Variants in PKN3 observed in about 807,000 individuals in gnomAD.
PKN3 encodes serine/threonine-protein kinase N3.
Under a neutral mutation model 113.1 loss-of-function variants are expected in PKN3, and 91 were observed. The observed-to-expected ratio is 0.80, with a 90% CI of 0.68 to 0.96. The LOEUF (loss-of-function observed/expected upper bound fraction) is 0.96, where lower values mean the gene tolerates loss of function less well. PKN3 is among the 40% of genes least tolerant of loss of function. The probability of loss-of-function intolerance (pLI) is 0.00; values close to 1 mark genes in which losing one functional copy is unlikely to be tolerated. For missense variants in PKN3, 1,052 were observed against 1,202.2 expected (o/e 0.88, Z 1.85); for synonymous variants, 467 against 499.0 (o/e 0.94, Z 0.85).
chr9:128,711,354 C>T (rs973678979), intron 6 of PKN3, among the ~76,000 whole-genome samples: 3 of 141,884 alleles, frequency 2.1e-5, no homozygotes, highest in Non-Finnish European at 4.6e-5. Flanking sequence ...TCGCCCAGGC[C>T]GGATTGCAGT....
At chr9:128,719,555 C>G in intron 18 of PKN3, 131 bp from the exon 19 acceptor site, 1 of 921,690 alleles carries the variant, frequency 1.1e-6, no homozygotes, top group South Asian at 1.8e-5. Flanking sequence ...GCGTCATAAC[C>G]ATTCCCACTT....
chr9:128,716,718 C>A (rs1480668493), intron 15 of PKN3, 29 bp from the exon 16 acceptor site: 6 of 1,596,850 alleles, frequency 3.8e-6, no homozygotes, highest in Non-Finnish European at 5.1e-6. Flanking sequence ...AGTTTTCCTT[C>A]CCTCTAATAC....
rs1862397309 is a variant in PKN3 at position 128,718,030 on chromosome 9, G to A, written c.1986-295G>A. ...AGCCTGGGTGACAGAGTGAGACTCC[G>A]TCTCAAAAAAAAAAAAAATAGGCAT... On this transcript the variant is annotated intron_variant, in intron 16 of 21. Coordinates refer to ENST00000291906, the MANE Select transcript of PKN3 (RefSeq NM_013355.5). 2.7e-5 allele frequency among the ~76,000 whole-genome samples: 4 copies of A among 149,994 alleles called. No individual in the cohort carries two copies. In the South Asian group the frequency reaches 8.4e-4, roughly 32 times the overall value.
At chr9:128,706,480 G>T (rs959562778) in intron 3 of PKN3, among the ~76,000 whole-genome samples, 1 of 152,030 alleles carries the variant, frequency 6.6e-6, no homozygotes, top group Non-Finnish European at 1.5e-5. Context: ...GGAGAGGCAT[G>T]ACCCCAGCCG....
In PKN3 at chr9:128,705,892, A is replaced by G; in HGVS notation, c.411+13A>G. On this transcript the variant is annotated intron_variant, in intron 3 of 21. Transcript: ENST00000291906. ...TGGCACCCCCAAGGTAAGGCCCCAC[A>G]GTCTGATGGCAGGAGCACCCTGGCC... The G allele has an allele frequency of 6.4e-7, 1 of 1,574,664 alleles. No individual in the cohort carries two copies.
At position 128,720,083 on chromosome 9, in the gene PKN3, G is replaced by A; in HGVS notation, c.2376+66G>A. The A allele has an allele frequency of 6.5e-7, 1 of 1,539,602 alleles. No homozygotes were observed. The highest frequency in any genetic ancestry group is 1.7e-4 in the Middle Eastern group (1 of 5,918). On this transcript the variant is annotated intron_variant, in intron 20 of 21. Transcript: ENST00000291906. This position sits in a 1 kb window ranked among gnomAD's most constrained non-coding sequence, Gnocchi z 5.5. ...CAAGGCCCATGTGCCCTCTGCCGTGGGACAGCAGACCCCCTGCCACCCATC... is the reference window on the plus strand; with the variant it reads ...CAAGGCCCATGTGCCCTCTGCCGTGAGACAGCAGACCCCCTGCCACCCATC...
chr9:128,705,454 C>A lies in PKN3; in HGVS notation c.176C>A (p.Ser59Tyr). ...GGCCATGTGCAGCAGCTGCTGCGGT[C>A]CTCCAACCGCCGCCTGGAGCAGCTG... ...HLGHVQQLLR[S>Y]SNRRLEQLHG... Residue 59 changes from serine to tyrosine, a missense_variant, in exon 2 of 22, where the codon TCC becomes TAC. Physicochemically the swap from Ser to Tyr is moderately radical, Grantham distance 144. Around this residue, in one of 2 missense-constraint regions of PKN3, gnomAD observed 719 missense variants for 759.4 expected, o/e 0.95. Coordinates refer to ENST00000291906, the MANE Select transcript of PKN3 (RefSeq NM_013355.5). 1.3e-6 allele frequency: 2 copies of A among 1,574,286 alleles called. No homozygotes were observed. Among genetic ancestry groups the A allele is most frequent in the South Asian group, 1.2e-5 (1 of 86,132 alleles).
intron 5 of PKN3, 36 bp from the exon 6 acceptor site, chr9:128,707,186 C>T (rs1392244644): frequency 6.3e-7 from 1 of 1,585,688 alleles, no homozygotes; most frequent in East Asian, 2.3e-5. Flanking sequence ...CTGCCATATA[C>T]CCCACGAACC....
At position 128,707,348 on chromosome 9, in the gene PKN3, G is replaced by A; in HGVS notation, c.778G>A (p.Ala260Thr). 3.7e-6 allele frequency: 6 copies of A among 1,613,660 alleles called. No homozygotes were observed. Among genetic ancestry groups the A allele is most frequent in the Non-Finnish European group, 5.1e-6 (6 of 1,179,880 alleles). ...RSRVTRELRA[A>T]VPGYPQPSGT... ...CAGAGTGACCCGAGAGTTGCGGGCT[G>A]CGGTGCCTGGATACCCCCAGCCTTC... is the stretch of plus-strand genomic sequence containing the variant. Residue 260 changes from alanine (A) to threonine (T), a missense_variant, in exon 6 of 22, where the codon GCG (alanine) becomes ACG (threonine). Physicochemically the swap from Ala to Thr is moderately conservative, Grantham distance 58. Around this residue, in one of 2 missense-constraint regions of PKN3, gnomAD observed 719 missense variants for 759.4 expected, o/e 0.95. Coordinates refer to ENST00000291906, the MANE Select transcript of PKN3 (RefSeq NM_013355.5).
Position 128,716,889 on chromosome 9 carries a change from A to T in PKN3, c.1951A>T (p.Ile651Phe), listed in dbSNP as rs770355723. 1.2e-6 allele frequency: 2 copies of T among 1,613,768 alleles called. No individual in the cohort carries two copies. The highest frequency in any genetic ancestry group is 1.7e-5 in the Admixed American group (1 of 59,934). The change falls in exon 16 of 22, where the codon ATC becomes TTC. Residue 651 changes from isoleucine to phenylalanine, a missense_variant. Transcript: ENST00000291906. ...FVPGGDLMMQ[I>F]HEDVFPEPQA... ...GCCTGGTGGTGACCTCATGATGCAG[A>T]TCCACGAGGATGTCTTCCCCGAGCC...
At position 128,713,292 on chromosome 9, in the gene PKN3, G is replaced by T. The variant is rs748472968; in HGVS notation, c.997G>T (p.Val333Leu). Residue 333 changes from valine to leucine, a missense_variant, in exon 8 of 22, where the codon GTG (valine) becomes TTG (leucine). Coordinates refer to ENST00000291906, the MANE Select transcript of PKN3 (RefSeq NM_013355.5). ...TGGCCCTGCAGGCGAGGTGCTGGCT[G>T]TGCTAAAGGTGGACAACCGTGTTGT... ...RGELASEVLA[V>L]LKVDNRVVGQ... is the part of the protein sequence containing the mutation. 2 of 1,613,966 alleles carry T rather than the reference G, an allele frequency of 1.2e-6. No individual in the cohort carries two copies. Among genetic ancestry groups the T allele is most frequent in the African/African-American group, 2.7e-5 (2 of 74,950 alleles).
At chr9:128,716,504 A>T (rs1862342515) in intron 15 of PKN3, among the ~76,000 whole-genome samples, 1 of 151,918 alleles carries the variant, frequency 6.6e-6, no homozygotes, top group South Asian at 2.1e-4. Flanking sequence ...AGGCTGAGGC[A>T]CAAAAATCTC....
chr9:128,714,927 A>G, intron 13 of PKN3, 62 bp downstream of exon 13: 1 of 1,486,094 alleles, frequency 6.7e-7, no homozygotes, highest in Non-Finnish European at 9.4e-7. Flanking sequence ...ACATTTGTGT[A>G]TCCATTCATA....
intron 11 of PKN3, 70 bp from the exon 12 acceptor site, chr9:128,714,492 G>A: frequency 9.6e-7 from 1 of 1,043,436 alleles, no homozygotes; most frequent in Non-Finnish European, 1.5e-6. Context: ...CTCACTTTGG[G>A]TTGGTGTGTC....
At chr9:128,716,956 G>A in intron 16 of PKN3, 33 bp downstream of exon 16, 1 of 1,597,058 alleles carries the variant, frequency 6.3e-7, no homozygotes, top group South Asian at 1.1e-5. Context: ...GCCTCTTCCA[G>A]CAAACTTTGC....
rs375779089 is a variant in PKN3, at chr9:128,713,335, G to A, written c.1040G>A (p.Gly347Glu). 18 of 1,614,028 alleles carry A rather than the reference G, an allele frequency of 1.1e-5. No individual in the cohort carries two copies. In the African/African-American group the frequency reaches 1.9e-4, roughly 17 times the overall value. The change falls in exon 8 of 22, where the codon GGG becomes GAG. Residue 347 changes from glycine (G) to glutamate (E), a missense_variant. By Grantham distance (98) the Gly-to-Glu change is moderately conservative. Coordinates refer to ENST00000291906, the MANE Select transcript of PKN3 (RefSeq NM_013355.5). ...DNRVVGQTGWGQVAEQSWDQT... is the reference protein window; with the variant it reads ...DNRVVGQTGWEQVAEQSWDQT... The stretch of plus-strand genomic sequence containing the variant: ...CGTGTTGTGGGGCAGACGGGCTGGG[G>A]GCAGGTGGCCGAACAGTCCTGGGAC...
chr9:128,715,155 C>T lies in PKN3; in HGVS notation c.1653-17C>T, dbSNP rs202126265. On this transcript the variant is annotated splice_polypyrimidine_tract_variant and intron_variant, in intron 13 of 21. Coordinates refer to ENST00000291906, the MANE Select transcript of PKN3 (RefSeq NM_013355.5). This position sits in a 1 kb window ranked among gnomAD's most constrained non-coding sequence, Gnocchi z 4.1. ...CAGTGCCCTAGGGGACTTCATATACCCTCTCTTCCTTTGCAGGAAACCCCC... is the reference window on the plus strand; with the variant it reads ...CAGTGCCCTAGGGGACTTCATATACTCTCTCTTCCTTTGCAGGAAACCCCC... 1.3e-5 allele frequency: 21 copies of T among 1,613,270 alleles called. No individual in the cohort carries two copies. In the African/African-American group the frequency reaches 1.5e-4, roughly 11 times the overall value.
At chr9:128,706,394 G>T (rs1862018433) in intron 3 of PKN3, among the ~76,000 whole-genome samples, 1 of 151,894 alleles carries the variant, frequency 6.6e-6, no homozygotes. Flanking sequence ...CATGACCACA[G>T]CCCTGATCTG....
At position 128,715,218 on chromosome 9, in the gene PKN3, C is replaced by T. The variant is rs200554823; in HGVS notation, c.1699C>T (p.Arg567Trp). 208 of 1,613,742 alleles carry T rather than the reference C, an allele frequency of 1.3e-4. No homozygotes were observed. Among genetic ancestry groups the T allele is most frequent in the Admixed American group, 1.7e-4 (10 of 59,972 alleles). ...CTTCCGCTGCTTAGCTGTGCTGGGC[C>T]GGGGACACTTTGGGAAGGTAGTGGG... is the stretch of plus-strand genomic sequence containing the variant. Reference protein sequence around the residue: ...QDFRCLAVLGRGHFGKVLLVQ... With the variant: ...QDFRCLAVLGWGHFGKVLLVQ... The change falls in exon 14 of 22, where the codon CGG becomes TGG. Residue 567 changes from arginine to tryptophan, a missense_variant. Arg to Trp is a moderately radical substitution (Grantham distance 101). This residue lies in a region of PKN3 where 333 missense variants were observed against 442.8 expected (regional missense o/e 0.75). Coordinates refer to ENST00000291906, the MANE Select transcript of PKN3 (RefSeq NM_013355.5). The surrounding 1 kb of genome is among the most constrained non-coding windows in gnomAD (Gnocchi z 4.1).
Sources: allele counts gnomAD v4.1 joint callset (sites outside exome capture counted in the v4.1 genomes callset), GRCh38; gene constraint gnomAD v4.1.1; regional missense constraint gnomAD v4.1.1; non-coding constraint Gnocchi (gnomAD v3.1); transcripts MANE v1.5; gene names NCBI Gene and HGNC (gene_info 2026-07-23, HGNC 2026-07-21).